ANGPT4: variants seen among roughly 807,000 people sequenced by gnomAD.
ANGPT4 encodes angiopoietin 4.
ANGPT4 carries 50 observed loss-of-function variants against 53.0 expected under a neutral mutation model. That is an observed-to-expected ratio of 0.94 (90% CI 0.75 to 1.20). The LOEUF (loss-of-function observed/expected upper bound fraction) is 1.20, where lower values mean the gene tolerates loss of function less well. Among genes scored for constraint, ANGPT4 ranks in the 50% most tolerant of loss-of-function variants. ANGPT4 has a pLI of 0.00. For synonymous variants in ANGPT4, 251 were observed against 259.7 expected, an observed-to-expected ratio of 0.97 and a Z score of 0.32; for missense variants, 648 against 637.1, an observed-to-expected ratio of 1.02 and a Z score of -0.18.
In ANGPT4 at chr20:908,518, G is replaced by T. The variant is rs1982569736; in HGVS notation, c.309+7388C>A. Among the ~76,000 whole-genome samples, 1 of 152,034 alleles carries T rather than the reference G, an allele frequency of 6.6e-6. No homozygotes were observed. The highest frequency in any genetic ancestry group is 2.4e-5 in the African/African-American group (1 of 41,382). On this transcript the variant is annotated intron_variant, in intron 1 of 8. Transcript: ENST00000381922. This position sits in a 1 kb window ranked among gnomAD's most constrained non-coding sequence, Gnocchi z 4.9. ...CATTATCCACCCCTAGCATCTCTCGGTCCCTCCTTCATGGCACATATCATG... is the reference window on the plus strand; with the variant it reads ...CATTATCCACCCCTAGCATCTCTCGTTCCCTCCTTCATGGCACATATCATG...
At position 911,540 on chromosome 20, in the gene ANGPT4, C is replaced by T. The variant is rs182326237; in HGVS notation, c.309+4366G>A. Among the ~76,000 whole-genome samples the T allele has an allele frequency of 4.0e-4, 61 of 152,230 alleles. No homozygotes were observed. Among genetic ancestry groups the T allele is most frequent in the Admixed American group, 1.2e-3 (18 of 15,294 alleles). On this transcript the variant is annotated intron_variant, in intron 1 of 8. Transcript: ENST00000381922. The surrounding 1 kb of genome is among the most constrained non-coding windows in gnomAD (Gnocchi z 4.9). ...AGACAGGAAAAGATGCAGGGAGTCA[C>T]TTTGATAGCCAACCAGGAGAGAGAA...
chr20:891,866 T>G (rs6108118), intron 1 of ANGPT4, among the ~76,000 whole-genome samples: 19,465 of 152,188 alleles, frequency 0.13, 1,849 homozygotes, highest in African/African-American at 0.27. Context: ...AGTGTGGTTC[T>G]TCCGTCAGCA....
chr20:873,698 A>G (rs1454159916), intron 8 of ANGPT4, among the ~76,000 whole-genome samples: 1 of 149,430 alleles, frequency 6.7e-6, no homozygotes, highest in African/African-American at 2.5e-5. Context: ...TTTCTCCCCC[A>G]TCTCCCTCTG....
In ANGPT4 at chr20:871,188, C is replaced by T. The variant is rs1473009756; in HGVS notation, c.*1772G>A. 4 of 152,276 alleles carry T rather than the reference C, an allele frequency of 2.6e-5. No homozygotes were observed. Among genetic ancestry groups the T allele is most frequent in the African/African-American group, 7.2e-5 (3 of 41,458 alleles). 9.4% of individuals were successfully genotyped at this position (152,276 alleles called of 1,614,324 possible). A position where few individuals can be genotyped will look rare whatever the true frequency, so the allele number is the denominator to read the frequency against. On this transcript the variant is annotated 3_prime_UTR_variant, in exon 9 of 9. Coordinates refer to ENST00000381922, the MANE Select transcript of ANGPT4 (RefSeq NM_015985.4). ...TTTCCCATCATGCCTGAAATGCCAC[C>T]ATTAGCAACCATGTCCTTTGAGTCT...
At chr20:889,185 A>T (rs1354248353) in intron 2 of ANGPT4, among the ~76,000 whole-genome samples, 2 of 74,996 alleles carry the variant, frequency 2.7e-5, no homozygotes, top group African/African-American at 1.0e-4. Flanking sequence ...CCCCCCCACC[A>T]CTCCCAATGC....
rs375449785 is a variant in ANGPT4 at position 890,396 on chromosome 20, G to C, written c.310-28C>G. 43 of 1,592,084 alleles carry C rather than the reference G, an allele frequency of 2.7e-5. No individual in the cohort carries two copies. The Admixed American group carries it at 7.2e-4, about 27-fold the overall frequency. On this transcript the variant is annotated intron_variant, in intron 1 of 8. Transcript: ENST00000381922. ...GTGGGAGACCATGGGCTGGGGTCAC[G>C]GGGGAGGGGCGGGGGAAGCCCCCTG... is the stretch of plus-strand genomic sequence containing the variant.
chr20:915,143 G>A (rs372195799), intron 1 of ANGPT4, among the ~76,000 whole-genome samples: 31 of 152,062 alleles, frequency 2.0e-4, no homozygotes, highest in African/African-American at 4.3e-4. Flanking sequence ...TGTTGAAATC[G>A]AATCACGGGT....
chr20:906,025 G>A (rs975675525), intron 1 of ANGPT4, among the ~76,000 whole-genome samples: 12 of 152,322 alleles, frequency 7.9e-5, no homozygotes, highest in African/African-American at 2.6e-4. Context: ...TCGGTGGGCT[G>A]CTTGTGGCAG....
At chr20:879,559 T>A (rs566006653) in intron 6 of ANGPT4, among the ~76,000 whole-genome samples, 188 bp downstream of exon 6, 1 of 152,306 alleles carries the variant, frequency 6.6e-6, no homozygotes, top group South Asian at 2.1e-4. Context: ...AGAACATATG[T>A]CAGAACTTTC....
At chr20:912,583 C>A (rs554978787) in intron 1 of ANGPT4, among the ~76,000 whole-genome samples, 6 of 151,982 alleles carry the variant, frequency 3.9e-5, no homozygotes, top group Admixed American at 3.9e-4. Flanking sequence ...GTTACTGGGG[C>A]AGGGGCTTTC....
intron 4 of ANGPT4, among the ~76,000 whole-genome samples, chr20:883,501 C>G (rs1981487743): frequency 6.6e-6 from 1 of 152,218 alleles, no homozygotes; most frequent in Non-Finnish European, 1.5e-5. Flanking sequence ...TTCAAGGATG[C>G]CTGGTTCCTG....
At chr20:879,653 G>C (rs118083077) in intron 6 of ANGPT4, 94 bp downstream of exon 6, 29,971 of 957,234 alleles carry the variant, frequency 0.031, 567 homozygotes, top group Non-Finnish European at 0.036. Context: ...TTTTTCTGGG[G>C]GAGGAATGAG....
At chr20:886,399 A>T (rs1013021860) in intron 3 of ANGPT4, among the ~76,000 whole-genome samples, 2 of 152,234 alleles carry the variant, frequency 1.3e-5, no homozygotes, top group Admixed American at 1.3e-4. Flanking sequence ...GCAGTTATAG[A>T]ATCTTTCCAA....
chr20:880,701 G>C (rs571788296), intron 5 of ANGPT4, among the ~76,000 whole-genome samples: 16 of 152,156 alleles, frequency 1.1e-4, no homozygotes, highest in Admixed American at 3.3e-4. Flanking sequence ...CTTCTTATCG[G>C]ATGACTTGAC....
chr20:908,551 G>A lies in ANGPT4; in HGVS notation c.309+7355C>T, dbSNP rs769782580. 1.8e-4 allele frequency among the ~76,000 whole-genome samples: 27 copies of A among 152,182 alleles called. No homozygotes were observed. The highest frequency in any genetic ancestry group is 5.2e-4 in the Admixed American group (8 of 15,296). ...TTCATGGCACATATCATGATTGATC[G>A]TTGCACATGGGAAATCACTAGGTTA... On this transcript the variant is annotated intron_variant, in intron 1 of 8. Transcript: ENST00000381922. The surrounding 1 kb of genome is among the most constrained non-coding windows in gnomAD (Gnocchi z 4.9).
rs939874844 is a variant in ANGPT4 at position 914,428 on chromosome 20, G to A, written c.309+1478C>T. 6.6e-6 allele frequency among the ~76,000 whole-genome samples: 1 copy of A among 152,170 alleles called. No homozygotes were observed. Among genetic ancestry groups the A allele is most frequent in the East Asian group, 1.9e-4 (1 of 5,160 alleles). On this transcript the variant is annotated intron_variant, in intron 1 of 8. Transcript: ENST00000381922. This position sits in a 1 kb window ranked among gnomAD's most constrained non-coding sequence, Gnocchi z 5.0. ...GGGAGAGGGAACTCCAGGGAGTAAGGGTTCTTGCTTTTATTCGGATGCATG... is the reference window on the plus strand; with the variant it reads ...GGGAGAGGGAACTCCAGGGAGTAAGAGTTCTTGCTTTTATTCGGATGCATG...
rs1308256342 is a variant in ANGPT4 at position 902,751 on chromosome 20, G to A, written c.310-12383C>T. On this transcript the variant is annotated intron_variant, in intron 1 of 8. Coordinates refer to ENST00000381922, the MANE Select transcript of ANGPT4 (RefSeq NM_015985.4). ...GAGAGAGGGTCACCGGATGCCAAAG[G>A]ACCCCAAGGTACAGGAAAGGTTAAG... Among the ~76,000 whole-genome samples, 4 of 151,932 alleles carry A rather than the reference G, an allele frequency of 2.6e-5. No individual in the cohort carries two copies. The East Asian group carries it at 7.7e-4, about 29-fold the overall frequency.
chr20:872,840 C>T lies in ANGPT4; in HGVS notation c.*120G>A. ...ACTTCTGGGTCAAGGAGGGCTGGCT[C>T]AGGAAGCCCAGGGTGTCAGGGAAGG... On this transcript the variant is annotated 3_prime_UTR_variant, in exon 9 of 9. Transcript: ENST00000381922. 1 of 1,332,346 alleles carries T rather than the reference C, an allele frequency of 7.5e-7. No homozygotes were observed. Among genetic ancestry groups the T allele is most frequent in the East Asian group, 2.3e-5 (1 of 43,006 alleles). The allele number at this position is 1,332,346 out of a possible 1,614,324, so 82.5% of individuals were successfully genotyped here.
intron 1 of ANGPT4, among the ~76,000 whole-genome samples, chr20:902,395 T>C (rs1409746089): frequency 6.6e-6 from 1 of 152,154 alleles, no homozygotes; most frequent in African/African-American, 2.4e-5. Flanking sequence ...TAACTTTTCC[T>C]GTGGTAGTGA....
Sources: gnomAD v4.1 joint callset for allele counts (sites outside exome capture counted in the v4.1 genomes callset) on GRCh38, gnomAD v4.1.1 for gene constraint, Gnocchi (gnomAD v3.1) non-coding constraint, MANE v1.5 for transcripts, NCBI Gene and HGNC (gene_info 2026-07-23, HGNC 2026-07-21) for gene names.